NPEPPS: variants seen among roughly 807,000 people sequenced by gnomAD.
NPEPPS encodes puromycin-sensitive aminopeptidase.
Under a neutral mutation model 115.5 loss-of-function variants are expected in NPEPPS, and 14 were observed. That is an observed-to-expected ratio of 0.12 (90% confidence interval 0.08 to 0.19). NPEPPS has a LOEUF of 0.19. Ranked by LOEUF, NPEPPS falls within the 10% of genes least tolerant of loss-of-function variation. The probability of loss-of-function intolerance (pLI) is 1.00; values close to 1 mark genes in which losing one functional copy is unlikely to be tolerated. For synonymous variants in NPEPPS, 285 were observed against 390.6 expected, an observed-to-expected ratio of 0.73 and a Z score of 3.19; for missense variants, 523 against 1,110.8, an observed-to-expected ratio of 0.47 and a Z score of 7.52.
At chr17:47,589,607 T>C (rs1209000827) in intron 9 of NPEPPS, among the ~76,000 whole-genome samples, 2 of 152,224 alleles carry the variant, frequency 1.3e-5, no homozygotes. Flanking sequence ...TAATAAAATT[T>C]AGATTAAGAT....
chr17:47,615,257 C>T (rs1166865974), intron 19 of NPEPPS, among the ~76,000 whole-genome samples: 1 of 151,832 alleles, frequency 6.6e-6, no homozygotes, highest in East Asian at 1.9e-4. Context: ...TTTGTATTTT[C>T]AGTAGAGACG....
chr17:47,619,585 T>C (rs1331073893), intron 21 of NPEPPS, 152 bp from the exon 22 acceptor site: 2 of 684,414 alleles, frequency 2.9e-6, no homozygotes, highest in East Asian at 5.1e-5. Flanking sequence ...AAATAGTTAC[T>C]GGCTTTATTT....
intron 8 of NPEPPS, 49 bp from the exon 9 acceptor site, chr17:47,587,181 C>T (rs1216442985): frequency 5.3e-6 from 8 of 1,499,656 alleles, no homozygotes; most frequent in African/African-American, 1.4e-5. Context: ...CTTATGCATG[C>T]CCACTTTTAT....
At chr17:47,591,917 C>T in intron 10 of NPEPPS, 39 bp from the exon 11 acceptor site, 1 of 714,204 alleles carries the variant, frequency 1.4e-6, no homozygotes, top group East Asian at 2.7e-5. Context: ...TACAGGCTAT[C>T]TGCTTCCTGT....
At chr17:47,535,200 G>A (rs1439613230) in intron 1 of NPEPPS, among the ~76,000 whole-genome samples, 1 of 124,318 alleles carries the variant, frequency 8.0e-6, no homozygotes, top group East Asian at 2.6e-4. Context: ...CTGAGATTGC[G>A]CCACTGCACT....
chr17:47,557,378 C>T (rs1295861383), intron 2 of NPEPPS: 2 of 151,834 alleles, frequency 1.3e-5, no homozygotes, highest in Non-Finnish European at 2.9e-5. Flanking sequence ...GCTACCATGC[C>T]CGGTCTACTT....
intron 2 of NPEPPS, among the ~76,000 whole-genome samples, chr17:47,559,331 T>C (rs113963756): frequency 2.0e-5 from 3 of 152,204 alleles, no homozygotes; most frequent in Non-Finnish European, 2.9e-5. Flanking sequence ...CATGAGACAC[T>C]GTGCCTGGCC....
chr17:47,533,331 T>A (rs2143657116), intron 1 of NPEPPS, among the ~76,000 whole-genome samples: 1 of 151,806 alleles, frequency 6.6e-6, no homozygotes, highest in Non-Finnish European at 1.5e-5. Flanking sequence ...AAATTAGAAT[T>A]TGAGAAGGTT....
intron 1 of NPEPPS, among the ~76,000 whole-genome samples, chr17:47,534,437 C>T (rs1248049558): frequency 6.6e-6 from 1 of 152,160 alleles, no homozygotes; most frequent in East Asian, 1.9e-4. Flanking sequence ...AGTTTCCTAA[C>T]AGTTGGAATC....
Position 47,586,818 on chromosome 17 carries a change from A to G in NPEPPS, c.981-412A>G, listed in dbSNP as rs564059031. On this transcript the variant is annotated intron_variant, in intron 8 of 22. Coordinates refer to ENST00000322157, the MANE Select transcript of NPEPPS (RefSeq NM_006310.4). ...AACAAGTTTTTGCCTTCTACTTTCA[A>G]TTGCCTTTTTAGATGAGCTAAGTGT... 52 of 462,766 alleles carry G rather than the reference A, an allele frequency of 1.1e-4. 1 individual carries two copies. Among genetic ancestry groups the G allele is most frequent in the African/African-American group, 1.6e-4 (8 of 50,438 alleles). The allele number at this position is 462,766 out of a possible 1,614,324, so 28.7% of individuals were successfully genotyped here.
chr17:47,570,575 G>GT (rs1324342981), intron 3 of NPEPPS, among the ~76,000 whole-genome samples: 1 of 152,204 alleles, frequency 6.6e-6, no homozygotes, highest in Non-Finnish European at 1.5e-5. Flanking sequence ...AGGTTGATAT[G>GT]TTACTATTGT....
rs531922925 is a variant in NPEPPS at position 47,619,221 on chromosome 17, T to A, written c.2559+57T>A. 86 of 1,444,184 alleles carry A rather than the reference T, an allele frequency of 6.0e-5. 1 individual carries two copies. Among genetic ancestry groups the A allele is most frequent in the Non-Finnish European group, 7.8e-5 (81 of 1,043,064 alleles). The allele number at this position is 1,444,184 out of a possible 1,614,324, so 89.5% of individuals were successfully genotyped here. On this transcript the variant is annotated intron_variant, in intron 21 of 22. Coordinates refer to ENST00000322157, the MANE Select transcript of NPEPPS (RefSeq NM_006310.4). Reference sequence around the variant, plus strand: ...CATGGATATTATTTAGTGACATCCATGATTCACTACACCCATACATTGTGG... The same window carrying A: ...CATGGATATTATTTAGTGACATCCAAGATTCACTACACCCATACATTGTGG...
chr17:47,527,065 C>A (rs1015432101), upstream of NPEPPS, among the ~76,000 whole-genome samples: 3 of 152,184 alleles, frequency 2.0e-5, no homozygotes, highest in Non-Finnish European at 4.4e-5. Flanking sequence ...TGTGGCTCTG[C>A]CAATTATTAG....
intron 13 of NPEPPS, among the ~76,000 whole-genome samples, chr17:47,597,584 T>A (rs555951337): frequency 6.0e-4 from 91 of 152,326 alleles, no homozygotes; most frequent in Middle Eastern, 3.4e-3. Context: ...CAGCCTGGTC[T>A]GGAACCCCTG....
intron 2 of NPEPPS, among the ~76,000 whole-genome samples, chr17:47,558,268 C>T (rs1045925207): frequency 5.3e-5 from 8 of 152,022 alleles, no homozygotes; most frequent in African/African-American, 1.9e-4. Context: ...GCTGGGATTA[C>T]AGGCTTGTGC....
chr17:47,539,577 C>T (rs545704065), intron 1 of NPEPPS, among the ~76,000 whole-genome samples: 123 of 152,252 alleles, frequency 8.1e-4, no homozygotes, highest in African/African-American at 2.1e-3. Context: ...ATTTCCATCT[C>T]GTCCCACCCT....
In NPEPPS at chr17:47,557,521, AAC is replaced by A. The variant is rs1399853437; in HGVS notation, c.340+11530_340+11531del. ...TTCACTTGACTACCCTTAAAAAAAAAACAAAAAACAAACAGAAGTCTTGAGAT... is the reference window on the plus strand; with the variant it reads ...TTCACTTGACTACCCTTAAAAAAAAAAAAAAACAAACAGAAGTCTTGAGAT... On this transcript the variant is annotated intron_variant, in intron 2 of 22. Coordinates refer to ENST00000322157, the MANE Select transcript of NPEPPS (RefSeq NM_006310.4). 1.3e-5 allele frequency: 2 copies of A among 149,506 alleles called. 1 individual carries two copies. Among genetic ancestry groups the A allele is most frequent in the Non-Finnish European group, 3.0e-5 (2 of 66,912 alleles). 9.3% of individuals were successfully genotyped at this position (149,506 alleles called of 1,614,324 possible). A position where few individuals can be genotyped will look rare whatever the true frequency, so the allele number is the denominator to read the frequency against.
chr17:47,540,215 A>G (rs1338599382), intron 1 of NPEPPS, among the ~76,000 whole-genome samples: 1 of 151,876 alleles, frequency 6.6e-6, no homozygotes, highest in Non-Finnish European at 1.5e-5. Context: ...AGAAGACTTA[A>G]TCCTGGGTTT....
chr17:47,544,466 A>G (rs1277588649), intron 1 of NPEPPS, among the ~76,000 whole-genome samples: 1 of 152,012 alleles, frequency 6.6e-6, no homozygotes. Context: ...ATGTTGTAAG[A>G]AATGTTTCCT....
Sources: gnomAD v4.1 joint callset for allele counts (sites outside exome capture counted in the v4.1 genomes callset) on GRCh38, gnomAD v4.1.1 for gene constraint, MANE v1.5 for transcripts, NCBI Gene and HGNC (gene_info 2026-07-23, HGNC 2026-07-21) for gene names.